Variants in TCF12 observed in about 807,000 individuals in gnomAD.
TCF12 encodes the protein DNA-binding protein HTF4.
TCF12 carries 45 observed loss-of-function variants against 86.0 expected under a neutral mutation model. That is an observed-to-expected ratio of 0.52 (90% CI 0.41 to 0.67). The LOEUF (loss-of-function observed/expected upper bound fraction) is 0.67, where lower values mean the gene tolerates loss of function less well. TCF12 is among the 30% of genes least tolerant of loss of function. The pLI is 0.00. For missense variants in TCF12, 881 were observed against 859.9 expected (o/e 1.02, Z -0.31); for synonymous variants, 330 against 299.6 (o/e 1.10, Z -1.05).
intron 5 of TCF12, among the ~76,000 whole-genome samples, chr15:57,148,782 T>G (rs1026283944): frequency 2.7e-5 from 4 of 147,232 alleles, no homozygotes; most frequent in Non-Finnish European, 6.0e-5. Context: ...GAGGTTGAGG[T>G]GAGAGGATAG....
rs138935750 is a variant in TCF12 at position 57,238,680 on chromosome 15, G to A, written c.1035+4573G>A. Reference sequence around the variant, plus strand: ...GTTAGTATTATAGCAAATTTCAATTGTAGTTTAATCACTCAAGTTAAAAAT... The same window carrying A: ...GTTAGTATTATAGCAAATTTCAATTATAGTTTAATCACTCAAGTTAAAAAT... On this transcript the variant is annotated intron_variant, in intron 12 of 20. Coordinates refer to ENST00000333725, the MANE Select transcript of TCF12 (RefSeq NM_207037.2). 3.4e-3 allele frequency among the ~76,000 whole-genome samples: 522 copies of A among 152,232 alleles called. 4 individuals carry two copies. Among genetic ancestry groups the A allele is most frequent in the African/African-American group, 0.012 (482 of 41,524 alleles).
chr15:57,255,224 C>A (rs1200150683), intron 16 of TCF12, among the ~76,000 whole-genome samples: 1 of 152,050 alleles, frequency 6.6e-6, no homozygotes, highest in Non-Finnish European at 1.5e-5. Flanking sequence ...AATGGAACTT[C>A]TGTCTTGAGA....
intron 8 of TCF12, among the ~76,000 whole-genome samples, chr15:57,208,677 A>T (rs2057971034): frequency 6.7e-6 from 1 of 149,304 alleles, no homozygotes; most frequent in African/African-American, 2.5e-5. Context: ...GAGCCACTGC[A>T]CCCAGCCTGG....
intron 3 of TCF12, among the ~76,000 whole-genome samples, chr15:57,043,910 G>T (rs1041143606): frequency 6.6e-6 from 1 of 151,398 alleles, no homozygotes; most frequent in South Asian, 2.1e-4. Context: ...AGTTTTCCCC[G>T]TCATGCATTG....
chr15:57,278,645 A>G (rs566742285), intron 19 of TCF12: 10 of 212,462 alleles, frequency 4.7e-5, no homozygotes, highest in East Asian at 4.4e-4. Context: ...TGAACACCCA[A>G]TCATCATGCT....
chr15:57,093,027 A>T (rs1234166372), intron 5 of TCF12, among the ~76,000 whole-genome samples: 1 of 152,182 alleles, frequency 6.6e-6, no homozygotes, highest in Non-Finnish European at 1.5e-5. Context: ...AAGGCGGTTG[A>T]CAGTTTGAAG....
chr15:57,212,242 G>GT (rs2058141780), intron 8 of TCF12, among the ~76,000 whole-genome samples: 2 of 152,128 alleles, frequency 1.3e-5, no homozygotes, highest in South Asian at 4.1e-4. Flanking sequence ...CTGAACTGCA[G>GT]TTACATGGCT....
chr15:57,277,348 C>T (rs1395365594), intron 19 of TCF12, among the ~76,000 whole-genome samples: 2 of 151,788 alleles, frequency 1.3e-5, no homozygotes, highest in Non-Finnish European at 2.9e-5. Context: ...ATTAAGTTGG[C>T]AGCCGGGTGC....
intron 20 of TCF12, among the ~76,000 whole-genome samples, chr15:57,283,693 G>A (rs1285772304): frequency 6.6e-6 from 1 of 152,186 alleles, no homozygotes; most frequent in African/African-American, 2.4e-5. Flanking sequence ...ATCAAGTGCA[G>A]TTTCATTTGG....
Position 57,273,006 on chromosome 15 carries a change from C to T in TCF12, c.1746-24C>T, listed in dbSNP as rs772767692. On this transcript the variant is annotated intron_variant, in intron 18 of 20. Transcript: ENST00000333725. ...CTTACTTTATAGGAAACCTAATAGA[C>T]CTTGTTGTTACTTTATTTTCTAGCA... The T allele has an allele frequency of 4.4e-6, 7 of 1,605,076 alleles. No homozygotes were observed. In the South Asian group the frequency reaches 7.7e-5, roughly 18 times the overall value.
chr15:57,245,985 G>C (rs1052052326), intron 13 of TCF12, among the ~76,000 whole-genome samples: 2 of 151,408 alleles, frequency 1.3e-5, no homozygotes, highest in African/African-American at 4.9e-5. Context: ...AAGAAGAAAG[G>C]AAAGCACTGT....
intron 5 of TCF12, among the ~76,000 whole-genome samples, chr15:57,101,245 G>C (rs1265929241): frequency 6.6e-6 from 1 of 151,704 alleles, no homozygotes; most frequent in Non-Finnish European, 1.5e-5. Flanking sequence ...TTGCTCTGTT[G>C]CCCAGACTGG....
chr15:57,236,461 CTT>C (rs551950317), intron 12 of TCF12, among the ~76,000 whole-genome samples: 15 of 152,104 alleles, frequency 9.9e-5, no homozygotes, highest in Admixed American at 5.2e-4. Flanking sequence ...GTGACTGACT[CTT>C]TTGAAATTTT....
intron 3 of TCF12, among the ~76,000 whole-genome samples, chr15:57,006,293 G>C (rs966100596): frequency 1.3e-5 from 2 of 151,826 alleles, no homozygotes; most frequent in Non-Finnish European, 2.9e-5. Flanking sequence ...GCCAGTACTG[G>C]ATTTAAGATT....
chr15:57,092,197 T>G (rs1567405595), intron 5 of TCF12, among the ~76,000 whole-genome samples: 1 of 152,226 alleles, frequency 6.6e-6, no homozygotes, highest in Non-Finnish European at 1.5e-5. Context: ...AGTATTGTTT[T>G]AGGGGCATTT....
intron 5 of TCF12, among the ~76,000 whole-genome samples, chr15:57,156,957 ATTAT>A (rs1259667926): frequency 2.6e-4 from 39 of 152,320 alleles, no homozygotes; most frequent in African/African-American, 9.4e-4. Flanking sequence ...GAAGGAGTAA[ATTAT>A]TTAAGAGTGT....
At chr15:57,060,899 T>C (rs563417935) in intron 3 of TCF12, among the ~76,000 whole-genome samples, 7 of 152,240 alleles carry the variant, frequency 4.6e-5, no homozygotes, top group Non-Finnish European at 1.0e-4. Context: ...GCCATTGTCT[T>C]TAGCAGAAAG....
At chr15:57,086,212 G>GATAATAATAATAATAATAATAATA (rs60173159) in intron 4 of TCF12, among the ~76,000 whole-genome samples, 45 of 141,622 alleles carry the variant, frequency 3.2e-4, no homozygotes, top group East Asian at 1.4e-3. Context: ...GGATGATGAT[G>GATAATAATAATAATAATAATAATA]ATAATAATAA....
At chr15:56,998,897 A>C (rs1259270187) in intron 3 of TCF12, among the ~76,000 whole-genome samples, 1 of 152,170 alleles carries the variant, frequency 6.6e-6, no homozygotes, top group Non-Finnish European at 1.5e-5. Flanking sequence ...GAAATCTCCA[A>C]GTACTTAGAA....
Sources: allele counts gnomAD v4.1 joint callset (sites outside exome capture counted in the v4.1 genomes callset), GRCh38; gene constraint gnomAD v4.1.1; transcripts MANE v1.5; gene names NCBI Gene and HGNC (gene_info 2026-07-23, HGNC 2026-07-21).